The following NKAIN2 variants were observed in gnomAD, a reference collection of about 807,000 sequenced individuals.
The protein encoded by NKAIN2 is sodium/potassium transporting ATPase interacting 2, also known as sodium/potassium-transporting ATPase subunit beta-1-interacting protein 2.
Under a neutral mutation model 32.6 loss-of-function variants are expected in NKAIN2, and 14 were observed. That is an observed-to-expected ratio of 0.43 (90% CI 0.28 to 0.67). The LOEUF (loss-of-function observed/expected upper bound fraction) is 0.67. Among genes scored for constraint, NKAIN2 ranks in the 30% least tolerant of loss-of-function variants. The pLI, the probability that NKAIN2 is intolerant of heterozygous loss-of-function variation, is 0.17. For missense variants in NKAIN2, 198 were observed against 258.3 expected, an observed-to-expected ratio of 0.77 and a Z score of 1.60; for synonymous variants, 80 against 87.2, an observed-to-expected ratio of 0.92 and a Z score of 0.46.
intron 4 of NKAIN2, among the ~76,000 whole-genome samples, chr6:124,723,932 C>A (rs939896879): frequency 6.6e-6 from 1 of 152,142 alleles, no homozygotes; most frequent in Non-Finnish European, 1.5e-5. Flanking sequence ...GCTTCTGAAA[C>A]CCTGTCTGCT....
intron 3 of NKAIN2, among the ~76,000 whole-genome samples, chr6:124,588,788 G>A (rs1185832628): frequency 6.6e-6 from 1 of 151,938 alleles, no homozygotes; most frequent in South Asian, 2.1e-4. Flanking sequence ...TAAGCCTCAG[G>A]GACCATAGAG....
chr6:124,038,764 C>A (rs1039136676), intron 1 of NKAIN2, among the ~76,000 whole-genome samples: 1 of 152,020 alleles, frequency 6.6e-6, no homozygotes, highest in African/African-American at 2.4e-5. Context: ...ATGAAATATA[C>A]CCAAGAAGTT....
intron 4 of NKAIN2, among the ~76,000 whole-genome samples, chr6:124,689,362 T>G (rs150323528): frequency 1.6e-3 from 247 of 152,274 alleles, no homozygotes; most frequent in African/African-American, 5.4e-3. Context: ...ATTGCAGTCC[T>G]TTATCATATA....
At chr6:123,941,058 A>T (rs1199222893) in intron 1 of NKAIN2, among the ~76,000 whole-genome samples, 1 of 151,664 alleles carries the variant, frequency 6.6e-6, no homozygotes, top group African/African-American at 2.4e-5. Context: ...TTACTTTTTA[A>T]ACTTTTTTGG....
intron 4 of NKAIN2, among the ~76,000 whole-genome samples, chr6:124,660,463 T>C (rs1250838788): frequency 6.6e-6 from 1 of 152,194 alleles, no homozygotes; most frequent in East Asian, 1.9e-4. Context: ...AAGATAATTT[T>C]CCTTAAGTAG....
chr6:124,070,114 A>C (rs750677120), intron 1 of NKAIN2, among the ~76,000 whole-genome samples: 8 of 152,082 alleles, frequency 5.3e-5, no homozygotes, highest in Non-Finnish European at 1.2e-4. Flanking sequence ...AAAAGTTTAC[A>C]TCTTGTTTGT....
Position 124,278,600 on chromosome 6 carries a change from AT to A in NKAIN2, c.55-4404del, listed in dbSNP as rs566487353. ...CATATAATAGCTTATATACATATAT[AT>A]ATACATACACACACGTACATACACA... is the stretch of plus-strand genomic sequence containing the variant. On this transcript the variant is annotated intron_variant, in intron 1 of 6. Transcript: ENST00000368417. Among the ~76,000 whole-genome samples the A allele has an allele frequency of 6.2e-5, 9 of 146,308 alleles. No individual in the cohort carries two copies. The Admixed American group carries it at 6.2e-4, about 10-fold the overall frequency.
At chr6:124,207,380 CTT>C (rs1484975459) in intron 1 of NKAIN2, among the ~76,000 whole-genome samples, 1 of 151,012 alleles carries the variant, frequency 6.6e-6, no homozygotes, top group Non-Finnish European at 1.5e-5. Flanking sequence ...ATCTTAATCT[CTT>C]TATAATTTTA....
intron 1 of NKAIN2, among the ~76,000 whole-genome samples, chr6:124,180,154 G>C (rs905831273): frequency 2.0e-5 from 3 of 151,986 alleles, no homozygotes; most frequent in African/African-American, 4.8e-5. Flanking sequence ...TAGATAGATA[G>C]ATAGAGCTAA....
chr6:124,383,600 C>A (rs1479739497), intron 3 of NKAIN2, among the ~76,000 whole-genome samples: 1 of 152,132 alleles, frequency 6.6e-6, no homozygotes, highest in Non-Finnish European at 1.5e-5. Context: ...GCAGAGTGTT[C>A]CTTCATTCTT....
At chr6:123,953,204 G>A (rs977902332) in intron 1 of NKAIN2, among the ~76,000 whole-genome samples, 2 of 152,174 alleles carry the variant, frequency 1.3e-5, no homozygotes, top group Non-Finnish European at 2.9e-5. Context: ...AGTGGAGGTT[G>A]TGGTGAAGTT....
At chr6:124,307,897 T>A (rs185781151) in intron 2 of NKAIN2, among the ~76,000 whole-genome samples, 1 of 152,264 alleles carries the variant, frequency 6.6e-6, no homozygotes, top group African/African-American at 2.4e-5. Flanking sequence ...ATATATAAAA[T>A]GTGAAGTATG....
At chr6:124,537,656 T>G (rs1360558782) in intron 3 of NKAIN2, among the ~76,000 whole-genome samples, 1 of 152,212 alleles carries the variant, frequency 6.6e-6, no homozygotes, top group Non-Finnish European at 1.5e-5. Flanking sequence ...TGTGAACTTG[T>G]CAATTGCTTT....
intron 3 of NKAIN2, among the ~76,000 whole-genome samples, chr6:124,406,859 CATCTATAT>C (rs1213476576): frequency 1.3e-5 from 2 of 151,926 alleles, no homozygotes; most frequent in Non-Finnish European, 2.9e-5. Flanking sequence ...TGCTACTTTC[CATCTATAT>C]ATCTATATAT....
chr6:124,715,098 C>T (rs1484804493), intron 4 of NKAIN2, among the ~76,000 whole-genome samples: 1 of 152,190 alleles, frequency 6.6e-6, no homozygotes, highest in Middle Eastern at 3.2e-3. Flanking sequence ...CATTCCATTA[C>T]CCCTTGTGGC....
At chr6:124,721,180 G>A (rs1270577133) in intron 4 of NKAIN2, among the ~76,000 whole-genome samples, 1 of 152,160 alleles carries the variant, frequency 6.6e-6, no homozygotes, top group African/African-American at 2.4e-5. Flanking sequence ...ACTTTGGGAG[G>A]CCGAGGCGGG....
intron 3 of NKAIN2, among the ~76,000 whole-genome samples, chr6:124,653,457 A>G (rs905331835): frequency 1.3e-5 from 2 of 151,602 alleles, no homozygotes; most frequent in African/African-American, 4.8e-5. Flanking sequence ...AAAAAAAAAA[A>G]AAAAAAAAAA....
chr6:124,559,071 G>C (rs1367580681), intron 3 of NKAIN2, among the ~76,000 whole-genome samples: 2 of 152,068 alleles, frequency 1.3e-5, no homozygotes, highest in African/African-American at 4.8e-5. Context: ...TGTATACCAG[G>C]TATAGATTCG....
intron 1 of NKAIN2, among the ~76,000 whole-genome samples, chr6:124,061,191 A>C (rs1163271055): frequency 6.6e-6 from 1 of 152,172 alleles, no homozygotes; most frequent in South Asian, 2.1e-4. Context: ...AGCAAGTCTG[A>C]ATAACACATG....
Sources: allele counts gnomAD v4.1 joint callset (sites outside exome capture counted in the v4.1 genomes callset), GRCh38; gene constraint gnomAD v4.1.1; transcripts MANE v1.5; gene names NCBI Gene and HGNC (gene_info 2026-07-23, HGNC 2026-07-21).